The following SCIN variants were observed in gnomAD, a reference collection of about 807,000 sequenced individuals.
The protein encoded by SCIN is scinderin.
Under a neutral mutation model 91.8 loss-of-function variants are expected in SCIN, and 91 were observed. The ratio of observed to expected loss-of-function variants is 0.99; its 90% CI spans 0.84 to 1.18. The LOEUF is 1.18. SCIN is among the 50% of genes most tolerant of loss of function. The pLI, the probability that SCIN is intolerant of heterozygous loss-of-function variation, is 0.00. For synonymous variants in SCIN, 367 were observed against 312.6 expected (o/e 1.17, Z -1.84); for missense variants, 1,087 against 863.9 (o/e 1.26, Z -3.24).
At position 12,656,686 on chromosome 7, in the gene SCIN, G is replaced by A. The variant is rs1022076674; in HGVS notation, c.*3971G>A. 3.3e-5 allele frequency: 5 copies of A among 152,294 alleles called. No homozygotes were observed. The highest frequency in any genetic ancestry group is 9.6e-5 in the African/African-American group (4 of 41,554). 9.4% of individuals were successfully genotyped at this position (152,294 alleles called of 1,614,324 possible). ...CGCCTGTAATCCCAGCACTTTGAAA[G>A]GCCAAGGCGGTTGGATCACGAGGCC... On this transcript the variant is annotated 3_prime_UTR_variant, in exon 16 of 16. Transcript: ENST00000297029.
intron 3 of SCIN, among the ~76,000 whole-genome samples, chr7:12,594,763 G>A (rs1251912647): frequency 6.6e-6 from 1 of 152,166 alleles, no homozygotes; most frequent in East Asian, 1.9e-4. Flanking sequence ...TGCAGGCCTT[G>A]TATGGAATAG....
At chr7:12,641,472 T>C (rs1329087599) in intron 11 of SCIN, among the ~76,000 whole-genome samples, 3 of 152,102 alleles carry the variant, frequency 2.0e-5, no homozygotes, top group African/African-American at 7.2e-5. Flanking sequence ...AGACTTTCCG[T>C]CCTCTAGACC....
intron 14 of SCIN, among the ~76,000 whole-genome samples, chr7:12,650,425 G>T (rs1176306330): frequency 6.6e-6 from 1 of 152,136 alleles, no homozygotes; most frequent in Non-Finnish European, 1.5e-5. Flanking sequence ...TTTCTCATTT[G>T]CAGTCAACTC....
intron 2 of SCIN, among the ~76,000 whole-genome samples, chr7:12,578,959 C>T (rs555743840): frequency 9.0e-6 from 1 of 111,600 alleles, no homozygotes; most frequent in African/African-American, 3.6e-5. Context: ...GACTGGCCCT[C>T]CCTTCACCAT....
At chr7:12,581,352 G>A (rs1782484991) in intron 3 of SCIN, 131 bp downstream of exon 3, 1 of 822,080 alleles carries the variant, frequency 1.2e-6, no homozygotes. Context: ...TGTGAGCTGA[G>A]TAATTGCCAA....
chr7:12,625,431 C>CTTTTT lies in SCIN; in HGVS notation c.892+305_892+309dup, dbSNP rs10656602. On this transcript the variant is annotated intron_variant, in intron 6 of 15. Coordinates refer to ENST00000297029, the MANE Select transcript of SCIN (RefSeq NM_001112706.3). ...AATATACCAGGAAATTTTTGCTATTCTTTTTTTTTTTTTTTTTTTTCCGTC... is the reference window on the plus strand; with the variant it reads ...AATATACCAGGAAATTTTTGCTATTCTTTTTTTTTTTTTTTTTTTTTTTTTCCGTC... Among the ~76,000 whole-genome samples the CTTTTT allele has an allele frequency of 1.6e-4, 16 of 97,522 alleles. 1 individual carries two copies. Among genetic ancestry groups the CTTTTT allele is most frequent in the Middle Eastern group, 6.7e-3 (1 of 150 alleles). 64.0% of individuals were successfully genotyped at this position (97,522 alleles called of 152,430 possible). A position where few individuals can be genotyped will look rare whatever the true frequency, so the allele number is the denominator to read the frequency against.
At position 12,655,469 on chromosome 7, in the gene SCIN, C is replaced by T. The variant is rs1166768356; in HGVS notation, c.*2754C>T. The T allele has an allele frequency of 6.6e-6, 1 of 151,974 alleles. No homozygotes were observed. Among genetic ancestry groups the T allele is most frequent in the East Asian group, 1.9e-4 (1 of 5,184 alleles). The allele number at this position is 151,974 out of a possible 1,614,324, so 9.4% of individuals were successfully genotyped here. ...GCCAAAAGACATGAATAGAAGTTCA[C>T]AGAAAAGAATGAAAATGACCAGTAA... is the stretch of plus-strand genomic sequence containing the variant. On this transcript the variant is annotated 3_prime_UTR_variant, in exon 16 of 16. Coordinates refer to ENST00000297029, the MANE Select transcript of SCIN (RefSeq NM_001112706.3).
At position 12,642,386 on chromosome 7, in the gene SCIN, T is replaced by C. The variant is rs574401114; in HGVS notation, c.1582-1752T>C. On this transcript the variant is annotated intron_variant, in intron 11 of 15. Coordinates refer to ENST00000297029, the MANE Select transcript of SCIN (RefSeq NM_001112706.3). ...CTATCTGGAATCATTCACTTTGAAC[T>C]ACAAAGATGGCTGTAACAGAAACCT... Among the ~76,000 whole-genome samples, 6 of 152,222 alleles carry C rather than the reference T, an allele frequency of 3.9e-5. No homozygotes were observed. In the East Asian group the frequency reaches 1.2e-3, roughly 29 times the overall value.
chr7:12,592,616 G>A (rs1411892771), intron 3 of SCIN, among the ~76,000 whole-genome samples: 2 of 151,882 alleles, frequency 1.3e-5, no homozygotes, highest in Non-Finnish European at 1.5e-5. Context: ...GTTGAAGGGG[G>A]CAAGAAAAGG....
chr7:12,612,783 T>G (rs529969920), intron 4 of SCIN, among the ~76,000 whole-genome samples: 1 of 152,300 alleles, frequency 6.6e-6, no homozygotes, highest in African/African-American at 2.4e-5. Context: ...TGAAATGTTC[T>G]GAACAAAGAT....
intron 8 of SCIN, among the ~76,000 whole-genome samples, chr7:12,627,647 T>C (rs533021844): frequency 9.7e-4 from 147 of 152,296 alleles, no homozygotes; most frequent in African/African-American, 3.2e-3. Flanking sequence ...CTAAGCGGCA[T>C]GGGTGTTGGA....
At position 12,657,071 on chromosome 7, in the gene SCIN, T is replaced by A. The variant is rs1326269177; in HGVS notation, c.*4356T>A. 6.6e-6 allele frequency: 1 copy of A among 151,982 alleles called. No individual in the cohort carries two copies. The highest frequency in any genetic ancestry group is 2.4e-5 in the African/African-American group (1 of 41,366). 9.4% of individuals were successfully genotyped at this position (151,982 alleles called of 1,614,324 possible). A position where few individuals can be genotyped will look rare whatever the true frequency, so the allele number is the denominator to read the frequency against. On this transcript the variant is annotated 3_prime_UTR_variant, in exon 16 of 16. Coordinates refer to ENST00000297029, the MANE Select transcript of SCIN (RefSeq NM_001112706.3). ...GCTTACATCCACTACTTGGGAAGTA[T>A]AAATTGATACAATGGGTTTGAACAG...
At chr7:12,588,684 C>T (rs902104933) in intron 3 of SCIN, among the ~76,000 whole-genome samples, 12 of 151,768 alleles carry the variant, frequency 7.9e-5, no homozygotes, top group Non-Finnish European at 1.8e-4. Flanking sequence ...ATCCACGTTT[C>T]TCGTGACCTC....
chr7:12,622,757 A>G (rs747819371), intron 4 of SCIN, 44 bp from the exon 5 acceptor site: 8 of 1,303,682 alleles, frequency 6.1e-6, no homozygotes, highest in African/African-American at 4.4e-5. Flanking sequence ...GCATCCTTCA[A>G]TGGGAGATCT....
At chr7:12,639,813 G>T (rs912154477) in intron 10 of SCIN, among the ~76,000 whole-genome samples, 1 of 152,088 alleles carries the variant, frequency 6.6e-6, no homozygotes, top group East Asian at 1.9e-4. Context: ...GTGTGTGTGT[G>T]TAATTTTTTT....
intron 4 of SCIN, 48 bp downstream of exon 4, chr7:12,604,711 A>G (rs2115250221): frequency 1.4e-6 from 2 of 1,425,602 alleles, no homozygotes; most frequent in East Asian, 2.7e-5. Context: ...TCCAACTCGT[A>G]TGTGTCTGTG....
chr7:12,619,738 G>A lies in SCIN; in HGVS notation c.667-3063G>A, dbSNP rs554484248. ...GAATGCTGAGAAATAAGGCAGGGTA[G>A]ATGACATTCAGCATCTGAAGGGGAC... On this transcript the variant is annotated intron_variant, in intron 4 of 15. Coordinates refer to ENST00000297029, the MANE Select transcript of SCIN (RefSeq NM_001112706.3). Among the ~76,000 whole-genome samples, 6 of 152,228 alleles carry A rather than the reference G, an allele frequency of 3.9e-5. No individual in the cohort carries two copies. In the East Asian group the frequency reaches 1.2e-3, roughly 30 times the overall value.
intron 4 of SCIN, among the ~76,000 whole-genome samples, chr7:12,614,462 A>T (rs2115262110): frequency 6.6e-6 from 1 of 152,264 alleles, no homozygotes; most frequent in East Asian, 1.9e-4. Context: ...GACATTTTTT[A>T]TTCCCTGTCT....
chr7:12,631,986 A>T (rs1783652966), intron 9 of SCIN, among the ~76,000 whole-genome samples: 1 of 152,158 alleles, frequency 6.6e-6, no homozygotes, highest in Admixed American at 6.6e-5. Flanking sequence ...CCAAATTGCA[A>T]ATGGCCTCAT....
Sources: gnomAD v4.1 joint callset for allele counts (sites outside exome capture counted in the v4.1 genomes callset) on GRCh38, gnomAD v4.1.1 for gene constraint, MANE v1.5 for transcripts, NCBI Gene and HGNC (gene_info 2026-07-23, HGNC 2026-07-21) for gene names.